The following ZNF536 variants were observed in gnomAD, a reference collection of about 807,000 sequenced individuals.
ZNF536 encodes zinc finger protein 536.
In ZNF536, 13 loss-of-function variants were observed where a neutral mutation model predicts 84.5. The ratio of observed to expected loss-of-function variants is 0.15; its 90% confidence interval spans 0.10 to 0.24. ZNF536 has a LOEUF of 0.24. Ranked by LOEUF, ZNF536 falls within the 10% of genes least tolerant of loss-of-function variation. The probability of loss-of-function intolerance (pLI) is 1.00; values close to 1 mark genes in which losing one functional copy is unlikely to be tolerated. For missense variants in ZNF536, 1,536 were observed against 1,747.5 expected, an observed-to-expected ratio of 0.88 and a Z score of 2.16; for synonymous variants, 811 against 742.5, an observed-to-expected ratio of 1.09 and a Z score of -1.50.
At chr19:30,466,497 G>C (rs1415283832) in intron 2 of ZNF536, among the ~76,000 whole-genome samples, 1 of 151,674 alleles carries the variant, frequency 6.6e-6, no homozygotes, top group Non-Finnish European at 1.5e-5. Context: ...CCAGGAGGTT[G>C]AGGCTGCAGT....
At chr19:30,606,719 G>A (rs1231820145) in intron 1 of ZNF536, among the ~76,000 whole-genome samples, 1 of 152,240 alleles carries the variant, frequency 6.6e-6, no homozygotes, top group East Asian at 1.9e-4. Flanking sequence ...CGGGAGGGTG[G>A]CTAGAGTCTG....
chr19:30,463,029 C>T (rs1180454230), intron 2 of ZNF536, among the ~76,000 whole-genome samples: 1 of 123,394 alleles, frequency 8.1e-6, no homozygotes, highest in Admixed American at 8.3e-5. Context: ...TGTTGAGATG[C>T]CTGTATCCGT....
intron 2 of ZNF536, among the ~76,000 whole-genome samples, chr19:30,289,463 T>G (rs751077669): frequency 6.6e-6 from 1 of 152,214 alleles, no homozygotes; most frequent in Non-Finnish European, 1.5e-5. Context: ...CCTCCACGTA[T>G]GAGCCATGCG....
At chr19:30,638,210 G>GATCCATTTT (rs1365505310) in intron 1 of ZNF536, among the ~76,000 whole-genome samples, 6 of 152,182 alleles carry the variant, frequency 3.9e-5, no homozygotes, top group African/African-American at 1.4e-4. Flanking sequence ...CCAGACCTCT[G>GATCCATTTT]ATCCATTTTA....
chr19:30,258,182 G>C (rs1330673017), intron 1 of ZNF536, among the ~76,000 whole-genome samples: 1 of 152,172 alleles, frequency 6.6e-6, no homozygotes, highest in Non-Finnish European at 1.5e-5. Flanking sequence ...AGACGTCATT[G>C]GTGGCTGCAA....
At chr19:30,543,596 G>C (rs538824826) in intron 3 of ZNF536, among the ~76,000 whole-genome samples, 43 of 152,218 alleles carry the variant, frequency 2.8e-4, no homozygotes, top group Non-Finnish European at 5.3e-4. Context: ...GGGTAGAAGA[G>C]CACATCCAGA....
At chr19:30,401,890 C>T (rs980270262) in intron 1 of ZNF536, among the ~76,000 whole-genome samples, 2 of 152,142 alleles carry the variant, frequency 1.3e-5, no homozygotes, top group African/African-American at 4.8e-5. Flanking sequence ...CTTATTTGTA[C>T]TTAAGAGAAT....
chr19:30,524,645 G>T (rs2145777872), intron 2 of ZNF536, among the ~76,000 whole-genome samples: 1 of 152,304 alleles, frequency 6.6e-6, no homozygotes. Context: ...GGTCCAGTTT[G>T]TTCCTGGTGT....
At chr19:30,329,326 C>A (rs1347249186) in intron 2 of ZNF536, among the ~76,000 whole-genome samples, 1 of 152,042 alleles carries the variant, frequency 6.6e-6, no homozygotes, top group Non-Finnish European at 1.5e-5. Context: ...ACAGAGAACA[C>A]ACATAATCCT....
intron 2 of ZNF536, among the ~76,000 whole-genome samples, chr19:30,455,437 T>C (rs372170459): frequency 6.6e-6 from 1 of 152,248 alleles, no homozygotes; most frequent in East Asian, 1.9e-4. Context: ...ATCCAGTGGC[T>C]CATGCCTGTA....
chr19:30,675,114 A>G (rs546312170), intron 1 of ZNF536, among the ~76,000 whole-genome samples: 4 of 152,108 alleles, frequency 2.6e-5, no homozygotes, highest in South Asian at 2.1e-4. Context: ...TCCTGTAGCT[A>G]TCTATAGGAC....
chr19:30,621,803 G>A (rs529905473), intron 1 of ZNF536, among the ~76,000 whole-genome samples: 4 of 152,318 alleles, frequency 2.6e-5, no homozygotes, highest in East Asian at 3.9e-4. Flanking sequence ...CTTAGAGGCC[G>A]GGAACCTCAC....
intron 1 of ZNF536, among the ~76,000 whole-genome samples, chr19:30,272,899 G>A (rs1029172310): frequency 2.0e-5 from 3 of 152,040 alleles, no homozygotes; most frequent in African/African-American, 4.8e-5. Flanking sequence ...AAACATTCAT[G>A]CGCATTTTTT....
intron 4 of ZNF536, among the ~76,000 whole-genome samples, chr19:30,553,424 G>C (rs1166115404): frequency 6.6e-6 from 1 of 152,240 alleles, no homozygotes; most frequent in East Asian, 1.9e-4. Flanking sequence ...ACAGCAACCA[G>C]ATCACCCTTA....
At chr19:30,667,688 A>G (rs904014482) in intron 1 of ZNF536, among the ~76,000 whole-genome samples, 8 of 141,930 alleles carry the variant, frequency 5.6e-5, no homozygotes, top group Admixed American at 5.1e-4. Flanking sequence ...TCCCAGAGTA[A>G]ATGAAGACCT....
chr19:30,454,235 A>C (rs1443864890), intron 2 of ZNF536, among the ~76,000 whole-genome samples: 1 of 152,218 alleles, frequency 6.6e-6, no homozygotes, highest in Non-Finnish European at 1.5e-5. Flanking sequence ...GGCCAACGCT[A>C]GTTTCTTTTC....
At chr19:30,646,510 C>T (rs1050365627) in intron 1 of ZNF536, among the ~76,000 whole-genome samples, 24 of 152,216 alleles carry the variant, frequency 1.6e-4, no homozygotes, top group African/African-American at 5.8e-4. Context: ...TGTGTGCGTG[C>T]TTCTGCATGA....
intron 1 of ZNF536, among the ~76,000 whole-genome samples, chr19:30,255,259 T>C (rs544666395): frequency 5.3e-5 from 8 of 152,306 alleles, no homozygotes; most frequent in South Asian, 4.1e-4. Flanking sequence ...TGGGAACATA[T>C]GGCTTTAGAG....
At chr19:30,310,937 GGGCGACTCAGGGCCCC>G (rs2046481438) in intron 2 of ZNF536, among the ~76,000 whole-genome samples, 1 of 152,214 alleles carries the variant, frequency 6.6e-6, no homozygotes, top group Admixed American at 6.5e-5. Context: ...GAGCCCTCCT[GGGCGACTCAGGGCCCC>G]GGCTCCCTTG....
Sources: gnomAD v4.1 joint callset for allele counts (sites outside exome capture counted in the v4.1 genomes callset) on GRCh38, gnomAD v4.1.1 for gene constraint, MANE v1.5 for transcripts, NCBI Gene and HGNC (gene_info 2026-07-23, HGNC 2026-07-21) for gene names.